Variants in ADPRHL1 observed in about 807,000 individuals in gnomAD.
ADPRHL1 encodes inactive ADP-ribosyltransferase ARH2.
A neutral mutation model predicts 44.1 loss-of-function variants in ADPRHL1; 43 were observed. That is an observed-to-expected ratio of 0.98 (90% CI 0.76 to 1.26). ADPRHL1 has a LOEUF of 1.26. ADPRHL1 is among the 50% of genes most tolerant of loss of function. The pLI is 0.00. For missense variants in ADPRHL1, 2,022 were observed against 2,496.9 expected (o/e 0.81, Z 4.05); for synonymous variants, 878 against 1,017.4 (o/e 0.86, Z 2.61).
At chr13:113,421,743 TAGA>T (rs1407220793) in intron 7 of ADPRHL1, among the ~76,000 whole-genome samples, 1 of 152,160 alleles carries the variant, frequency 6.6e-6, no homozygotes, top group Non-Finnish European at 1.5e-5. Flanking sequence ...AATCATCCCA[TAGA>T]AGAAGACGCC....
Position 113,404,856 on chromosome 13 carries a change from G to T in ADPRHL1, c.4426C>A (p.Pro1476Thr). Residue 1476 changes from proline to threonine, a missense_variant, in exon 8 of 8, where the codon CCC becomes ACC. Pro to Thr is a conservative substitution (Grantham distance 38). Transcript: ENST00000612156. ...GCTGCCGGGCTTCCCGGCCCCTCGG[G>T]CTCCCCTGGAGGCACAGCTGGGTTC... ...ARNPAVPPGE[P>T]EGPGSPAAQG... 1 of 1,248,356 alleles carries T rather than the reference G, an allele frequency of 8.0e-7. No homozygotes were observed. Among genetic ancestry groups the T allele is most frequent in the South Asian group, 3.7e-5 (1 of 27,354 alleles). 77.3% of individuals were successfully genotyped at this position (1,248,356 alleles called of 1,614,324 possible). A position where few individuals can be genotyped will look rare whatever the true frequency, so the allele number is the denominator to read the frequency against.
At chr13:113,451,412 G>T (rs138772203) in intron 1 of ADPRHL1, among the ~76,000 whole-genome samples, 1 of 152,088 alleles carries the variant, frequency 6.6e-6, no homozygotes, top group Non-Finnish European at 1.5e-5. Flanking sequence ...TCTTGGATGC[G>T]TATTTTCTCA....
Position 113,425,070 on chromosome 13 carries a change from A to G in ADPRHL1, c.756T>C (p.Asp252=). The part of the protein sequence containing the change: ...ENKAIFPDNY[D]AEEREKTYRK... ...GGCTTACCTTTTCCCTCTCTTCTGC[A>G]TCATAATTGTCGGGGAAGATGGCTT... The change falls in exon 5 of 8, where the codon GAT becomes GAC. Residue 252 remains aspartate, a synonymous_variant. Coordinates refer to ENST00000612156, the MANE Select transcript of ADPRHL1 (RefSeq NM_001394807.1). The G allele has an allele frequency of 6.2e-7, 1 of 1,613,530 alleles. No homozygotes were observed. The highest frequency in any genetic ancestry group is 1.1e-5 in the South Asian group (1 of 91,072).
Position 113,404,399 on chromosome 13 carries a change from G to A in ADPRHL1, c.4883C>T (p.Ala1628Val). The A allele has an allele frequency of 7.5e-7, 1 of 1,328,774 alleles. No homozygotes were observed. The highest frequency in any genetic ancestry group is 2.2e-5 in the South Asian group (1 of 44,594). The allele number at this position is 1,328,774 out of a possible 1,614,324, so 82.3% of individuals were successfully genotyped here. A position where few individuals can be genotyped will look rare whatever the true frequency, so the allele number is the denominator to read the frequency against. ...WQTQIKAQKWAQEQTQKGAQE... is the reference protein window; with the variant it reads ...WQTQIKAQKWVQEQTQKGAQE... ...AGCCCCTTTCTGGGTCTGTTCCTGA[G>A]CCCATTTCTGGGCCTTTATCTGGGT... The change falls in exon 8 of 8, where the codon GCT becomes GTT. Residue 1628 changes from alanine (A) to valine (V), a missense_variant. Physicochemically the swap from Ala to Val is moderately conservative, Grantham distance 64 (BLOSUM62 0). Around this residue, in one of 8 missense-constraint regions of ADPRHL1, gnomAD observed 78 missense variants for 76.5 expected, o/e 1.02. Transcript: ENST00000612156.
rs1055285991 is a variant in ADPRHL1 at position 113,405,473 on chromosome 13, C to A, written c.3809G>T (p.Arg1270Met). 1.1e-5 allele frequency: 13 copies of A among 1,231,832 alleles called. No individual in the cohort carries two copies. The East Asian group carries it at 3.8e-4, about 36-fold the overall frequency. The allele number at this position is 1,231,832 out of a possible 1,614,324, so 76.3% of individuals were successfully genotyped here. A position where few individuals can be genotyped will look rare whatever the true frequency, so the allele number is the denominator to read the frequency against. Reference protein sequence around the residue: ...ESGIPASDHPRPQARSVAESP... With the variant: ...ESGIPASDHPMPQARSVAESP... ...CTCTGCCACGCTCCTTGCCTGTGGCCTAGGATGATCAGAAGCAGGAATTCC... is the reference window on the plus strand; with the variant it reads ...CTCTGCCACGCTCCTTGCCTGTGGCATAGGATGATCAGAAGCAGGAATTCC... Residue 1270 changes from arginine to methionine, a missense_variant, in exon 8 of 8, where the codon AGG becomes ATG. Coordinates refer to ENST00000612156, the MANE Select transcript of ADPRHL1 (RefSeq NM_001394807.1).
At position 113,417,784 on chromosome 13, in the gene ADPRHL1, G is replaced by A. The variant is rs1029010659; in HGVS notation, c.1061+5042C>T. 3.0e-4 allele frequency among the ~76,000 whole-genome samples: 46 copies of A among 152,258 alleles called. 1 individual carries two copies. The highest frequency in any genetic ancestry group is 8.8e-5 in the Non-Finnish European group (6 of 68,050). Reference sequence around the variant, plus strand: ...CAGGGAAGCTTCTGTGTGTTAACTGGAAATGCGTTTACACACGAGGGATTT... The same window carrying A: ...CAGGGAAGCTTCTGTGTGTTAACTGAAAATGCGTTTACACACGAGGGATTT... On this transcript the variant is annotated intron_variant, in intron 7 of 7. Transcript: ENST00000612156.
intron 7 of ADPRHL1, among the ~76,000 whole-genome samples, chr13:113,421,301 CTCCCGGGACACGCCCA>C (rs2043919845): frequency 3.8e-5 from 5 of 133,006 alleles, no homozygotes; most frequent in Admixed American, 7.2e-5. Context: ...GACACGCCCA[CTCCCGGGACACGCCCA>C]CCCCGGGACA....
Position 113,405,592 on chromosome 13 carries a change from T to G in ADPRHL1, c.3690A>C (p.Ser1230=). ...RHPEAARLYI[S]NTSAASRHTA... ...TATGTCTGCTGGCTGCTGATGTGTT[T>G]GAAATGTATAATCGGGCCGCCTCTG... Residue 1230 remains serine (S), a synonymous_variant, in exon 8 of 8, where the codon TCA becomes TCC. Coordinates refer to ENST00000612156, the MANE Select transcript of ADPRHL1 (RefSeq NM_001394807.1). 3 of 1,232,424 alleles carry G rather than the reference T, an allele frequency of 2.4e-6. No homozygotes were observed. Among genetic ancestry groups the G allele is most frequent in the Non-Finnish European group, 2.0e-6 (2 of 988,488 alleles). 76.3% of individuals were successfully genotyped at this position (1,232,424 alleles called of 1,614,324 possible). A position where few individuals can be genotyped will look rare whatever the true frequency, so the allele number is the denominator to read the frequency against.
chr13:113,422,534 G>A (rs2043931923), intron 7 of ADPRHL1: 2 of 388,642 alleles, frequency 5.1e-6, no homozygotes, highest in Non-Finnish European at 9.5e-6. Context: ...AAAATACAGC[G>A]CCTGTCCAGG....
At chr13:113,417,044 T>C (rs1181719758) in intron 7 of ADPRHL1, among the ~76,000 whole-genome samples, 2 of 152,130 alleles carry the variant, frequency 1.3e-5, no homozygotes, top group African/African-American at 4.8e-5. Flanking sequence ...ACCATTAAGA[T>C]AGGAGAGAGA....
chr13:113,424,724 CT>C, intron 5 of ADPRHL1, among the ~76,000 whole-genome samples: 2 of 88,212 alleles, frequency 2.3e-5, no homozygotes, highest in Non-Finnish European at 2.4e-5. Context: ...ACACATTTAC[CT>C]ACCCATCCAT....
intron 1 of ADPRHL1, among the ~76,000 whole-genome samples, chr13:113,452,965 C>T (rs796249927): frequency 2.6e-5 from 4 of 152,176 alleles, no homozygotes; most frequent in Non-Finnish European, 4.4e-5. Context: ...TGAAAAGTCA[C>T]GTTTAAAAAC....
rs79708222 is a variant in ADPRHL1 at position 113,443,142 on chromosome 13, G to C, written c.379+1283C>G. On this transcript the variant is annotated intron_variant, in intron 2 of 7. Transcript: ENST00000612156. ...CTGACACCTGTGTTGGGCCTTGTCA[G>C]TTTGGACTTATTGATTTTCCTTGTC... 3.5e-3 allele frequency among the ~76,000 whole-genome samples: 528 copies of C among 152,288 alleles called. 5 individuals are homozygous for C. Among genetic ancestry groups the C allele is most frequent in the African/African-American group, 0.012 (502 of 41,548 alleles).
intron 4 of ADPRHL1, among the ~76,000 whole-genome samples, 189 bp downstream of exon 4, chr13:113,428,763 C>T (rs917105958): frequency 6.6e-6 from 1 of 152,262 alleles, no homozygotes; most frequent in Non-Finnish European, 1.5e-5. Flanking sequence ...CAGGTCAGGG[C>T]AGAGGCAGAC....
At chr13:113,451,099 C>T (rs528463925) in intron 1 of ADPRHL1, among the ~76,000 whole-genome samples, 116 of 152,318 alleles carry the variant, frequency 7.6e-4, no homozygotes, top group African/African-American at 1.8e-3. Flanking sequence ...TGGCCCTGTC[C>T]GGGCATAACA....
chr13:113,424,666 C>T (rs1433033338), intron 5 of ADPRHL1, among the ~76,000 whole-genome samples: 1 of 5,506 alleles, frequency 1.8e-4, no homozygotes. Context: ...CCCACCCATC[C>T]ATTCACCATC....
At chr13:113,414,085 G>A (rs991138719) in intron 7 of ADPRHL1, among the ~76,000 whole-genome samples, 1 of 152,216 alleles carries the variant, frequency 6.6e-6, no homozygotes, top group South Asian at 2.1e-4. Context: ...GCTCACCCGA[G>A]CCTGGCCCTG....
intron 3 of ADPRHL1, among the ~76,000 whole-genome samples, chr13:113,429,631 C>T (rs1595547640): frequency 1.3e-5 from 2 of 152,216 alleles, no homozygotes; most frequent in Non-Finnish European, 2.9e-5. Flanking sequence ...CTTTAGCATC[C>T]GTGGCCGGGG....
rs567261747 is a variant in ADPRHL1, at chr13:113,400,291, A to T, written c.*3087T>A. On this transcript the variant is annotated 3_prime_UTR_variant, in exon 8 of 8. Coordinates refer to ENST00000612156, the MANE Select transcript of ADPRHL1 (RefSeq NM_001394807.1). ...CTCCCGAGTAGCTGGGACTACAGGC[A>T]CCCACCACCACGCCCGGCTAATTTT... 3.4e-5 allele frequency: 5 copies of T among 149,070 alleles called. No homozygotes were observed. The highest frequency in any genetic ancestry group is 7.4e-5 in the African/African-American group (3 of 40,610). The allele number at this position is 149,070 out of a possible 1,614,324, so 9.2% of individuals were successfully genotyped here.
Sources: allele counts gnomAD v4.1 joint callset (sites outside exome capture counted in the v4.1 genomes callset), GRCh38; gene constraint gnomAD v4.1.1; regional missense constraint gnomAD v4.1.1; transcripts MANE v1.5; gene names NCBI Gene and HGNC (gene_info 2026-07-23, HGNC 2026-07-21).